The following STXBP5L variants were observed in gnomAD, a reference collection of about 807,000 sequenced individuals.
STXBP5L encodes syntaxin binding protein 5L.
Under a neutral mutation model 144.5 loss-of-function variants are expected in STXBP5L, and 65 were observed. The ratio of observed to expected loss-of-function variants is 0.45; its 90% CI spans 0.37 to 0.55. STXBP5L has a LOEUF of 0.55. Among genes scored for constraint, STXBP5L ranks in the 20% least tolerant of loss-of-function variants. STXBP5L has a pLI of 0.00. For missense variants in STXBP5L, 1,298 were observed against 1,405.5 expected (o/e 0.92, Z 1.22); for synonymous variants, 505 against 469.6 (o/e 1.08, Z -0.97).
intron 7 of STXBP5L, among the ~76,000 whole-genome samples, chr3:121,149,023 T>A (rs2045832968): frequency 6.6e-6 from 1 of 152,076 alleles, no homozygotes; most frequent in Non-Finnish European, 1.5e-5. Flanking sequence ...GCCTATGGTG[T>A]TAGAAGTCAG....
intron 5 of STXBP5L, among the ~76,000 whole-genome samples, chr3:121,109,031 AATTT>A (rs538249570): frequency 1.9e-3 from 288 of 152,076 alleles, no homozygotes; most frequent in Non-Finnish European, 2.9e-3. Context: ...CAAATAAACT[AATTT>A]ATTTGTTTAT....
chr3:121,321,799 C>G, intron 20 of STXBP5L, among the ~76,000 whole-genome samples: 1 of 152,282 alleles, frequency 6.6e-6, no homozygotes, highest in Middle Eastern at 3.4e-3. Flanking sequence ...AGGAATTAGG[C>G]AAACCAGAAA....
intron 10 of STXBP5L, among the ~76,000 whole-genome samples, chr3:121,210,833 G>A (rs1006885010): frequency 6.6e-6 from 1 of 152,144 alleles, no homozygotes; most frequent in African/African-American, 2.4e-5. Context: ...GGTTACTGTA[G>A]CCTTGTAGTA....
At chr3:121,375,275 T>A (rs577534410) in intron 20 of STXBP5L, among the ~76,000 whole-genome samples, 6 of 152,242 alleles carry the variant, frequency 3.9e-5, no homozygotes, top group Admixed American at 2.0e-4. Flanking sequence ...CCCAAATAGA[T>A]TTAATTTTAA....
chr3:121,347,099 G>C (rs2108599482), intron 20 of STXBP5L, among the ~76,000 whole-genome samples: 1 of 152,306 alleles, frequency 6.6e-6, no homozygotes, highest in South Asian at 2.1e-4. Flanking sequence ...TAACATTTAA[G>C]TCTTTAATCC....
intron 3 of STXBP5L, among the ~76,000 whole-genome samples, chr3:121,035,328 G>T (rs1238572227): frequency 2.6e-5 from 4 of 152,016 alleles, no homozygotes; most frequent in Non-Finnish European, 5.9e-5. Flanking sequence ...TCTTCTAGTA[G>T]TTCTATAGTT....
chr3:121,032,857 C>A (rs1354478297), intron 3 of STXBP5L, among the ~76,000 whole-genome samples: 2 of 59,062 alleles, frequency 3.4e-5, no homozygotes, highest in Non-Finnish European at 6.8e-5. Context: ...AAATGCAAAT[C>A]AAAACCACTA....
chr3:121,257,181 G>A lies in STXBP5L; in HGVS notation c.1680G>A (p.Gln560=). Residue 560 remains glutamine (Q), a synonymous_variant, in exon 17 of 27, where the codon CAG becomes CAA. Transcript: ENST00000471454. The stretch of plus-strand genomic sequence containing the variant: ...TTAAGTCATTAGAGGTACGACTTCA[G>A]TATGATGTTGAAGATATTATTACCC... ...TEIVSLEVRL[Q]YDVEDIITPE... is the part of the protein sequence containing the mutation. The A allele has an allele frequency of 1.2e-6, 2 of 1,611,512 alleles. No individual in the cohort carries two copies. The highest frequency in any genetic ancestry group is 8.5e-7 in the Non-Finnish European group (1 of 1,178,352).
At chr3:121,192,294 A>G (rs1174612193) in intron 9 of STXBP5L, among the ~76,000 whole-genome samples, 1 of 152,194 alleles carries the variant, frequency 6.6e-6, no homozygotes, top group Non-Finnish European at 1.5e-5. Flanking sequence ...AAGGAGAACT[A>G]CAAACCACTG....
intron 5 of STXBP5L, among the ~76,000 whole-genome samples, chr3:121,089,035 A>G (rs183814766): frequency 9.0e-6 from 1 of 111,178 alleles, no homozygotes; most frequent in African/African-American, 3.6e-5. Context: ...TGGCACATGT[A>G]TACCTATGTA....
chr3:121,022,102 C>G (rs904209102), intron 3 of STXBP5L, among the ~76,000 whole-genome samples: 1 of 152,050 alleles, frequency 6.6e-6, no homozygotes, highest in South Asian at 2.1e-4. Context: ...ACCAATACCA[C>G]AGAAATACAA....
chr3:120,988,973 G>T (rs1022740409), intron 3 of STXBP5L, among the ~76,000 whole-genome samples: 4 of 151,928 alleles, frequency 2.6e-5, no homozygotes, highest in African/African-American at 9.7e-5. Context: ...TTCCATCCTT[G>T]TTTTTGCAAA....
chr3:121,037,672 A>G (rs527828562), intron 3 of STXBP5L, among the ~76,000 whole-genome samples: 15 of 152,138 alleles, frequency 9.9e-5, no homozygotes, highest in South Asian at 2.1e-4. Context: ...AAGTATTTTT[A>G]TAGAATGAGT....
At chr3:121,121,751 T>C (rs1311091340) in intron 7 of STXBP5L, 47 bp downstream of exon 7, 20 of 1,381,728 alleles carry the variant, frequency 1.4e-5, no homozygotes, top group Non-Finnish European at 2.0e-5. Context: ...TCCTCATTCT[T>C]GAAAAAAGGT....
intron 4 of STXBP5L, among the ~76,000 whole-genome samples, chr3:121,042,968 C>G (rs1258442068): frequency 7.2e-5 from 11 of 151,780 alleles, no homozygotes; most frequent in African/African-American, 2.7e-4. Flanking sequence ...GGGATCTCAG[C>G]TTTTTGCCTT....
intron 3 of STXBP5L, among the ~76,000 whole-genome samples, chr3:120,979,177 C>T (rs1430757927): frequency 1.3e-5 from 2 of 152,206 alleles, no homozygotes; most frequent in East Asian, 3.9e-4. Context: ...AGGCAGGCCT[C>T]CTTGAGCTGT....
At chr3:121,125,030 G>A (rs1462972484) in intron 7 of STXBP5L, among the ~76,000 whole-genome samples, 1 of 152,152 alleles carries the variant, frequency 6.6e-6, no homozygotes, top group Admixed American at 6.5e-5. Flanking sequence ...TTGTTAATTT[G>A]TTGAATTATG....
intron 19 of STXBP5L, among the ~76,000 whole-genome samples, chr3:121,295,851 CA>C (rs1242401016): frequency 6.6e-6 from 1 of 151,932 alleles, no homozygotes; most frequent in Non-Finnish European, 1.5e-5. Flanking sequence ...ATTTAGTAAG[CA>C]AAAATTTTAA....
At chr3:121,235,540 G>C (rs183146414) in intron 12 of STXBP5L, among the ~76,000 whole-genome samples, 4 of 151,724 alleles carry the variant, frequency 2.6e-5, no homozygotes, top group Non-Finnish European at 5.9e-5. Flanking sequence ...GCCTATTATC[G>C]TTACCTCTTG....
Sources: allele counts gnomAD v4.1 joint callset (sites outside exome capture counted in the v4.1 genomes callset), GRCh38; gene constraint gnomAD v4.1.1; transcripts MANE v1.5; gene names NCBI Gene and HGNC (gene_info 2026-07-23, HGNC 2026-07-21).